The following THOC7 variants were observed in gnomAD, a reference collection of about 807,000 sequenced individuals.
THOC7 encodes THO complex subunit 7, also known as NIF3L1-binding protein 1.
THOC7 carries 22 observed loss-of-function variants against 33.1 expected under a neutral mutation model. That is an observed-to-expected ratio of 0.66 (90% CI 0.47 to 0.95). The LOEUF is 0.95. Among genes scored for constraint, THOC7 ranks in the 40% least tolerant of loss-of-function variants. The pLI is 0.00. For synonymous variants in THOC7, 77 were observed against 76.8 expected (o/e 1.00, Z -0.01); for missense variants, 184 against 245.3 (o/e 0.75, Z 1.67).
upstream of THOC7, chr3:63,864,368 C>G (rs1223367041): frequency 6.6e-6 from 1 of 152,018 alleles, no homozygotes; most frequent in Non-Finnish European, 1.5e-5. Context: ...AGAGGCGGGA[C>G]TAGGGGTACC....
At chr3:63,863,814 C>CGCAAGCTGA (rs1702309474), upstream of THOC7, 5 of 1,234,142 alleles carry the variant, frequency 4.1e-6, no homozygotes, top group Non-Finnish European at 5.0e-6. Flanking sequence ...GCGGCGGCGG[C>CGCAAGCTGA]GGCGGCGGCG....
At chr3:63,852,685 T>A (rs1054878253) in intron 1 of THOC7, among the ~76,000 whole-genome samples, 2 of 152,178 alleles carry the variant, frequency 1.3e-5, no homozygotes, top group African/African-American at 4.8e-5. Context: ...TTGTACATCT[T>A]GCTGGTAGGA....
intron 6 of THOC7, 35 bp downstream of exon 6, chr3:63,835,289 G>A (rs1701606910): frequency 2.5e-6 from 4 of 1,612,658 alleles, no homozygotes; most frequent in Non-Finnish European, 3.4e-6. Context: ...CAGACAGATA[G>A]ACAGATCATG....
At chr3:63,861,113 T>G (rs1702202414) in intron 1 of THOC7, 1 of 152,228 alleles carries the variant, frequency 6.6e-6, no homozygotes, top group African/African-American at 2.4e-5. Context: ...TTACAACTTT[T>G]TGTGTTTAAT....
intron 1 of THOC7, among the ~76,000 whole-genome samples, chr3:63,854,099 C>T (rs1464421101): frequency 1.3e-5 from 2 of 152,138 alleles, no homozygotes; most frequent in Non-Finnish European, 2.9e-5. Context: ...CATGGCGTTT[C>T]TAGCTGAAAT....
chr3:63,843,684 A>C (rs925564637), intron 1 of THOC7, among the ~76,000 whole-genome samples: 1 of 152,094 alleles, frequency 6.6e-6, no homozygotes, highest in Non-Finnish European at 1.5e-5. Flanking sequence ...GCGCATCACG[A>C]GGTCAGGAGA....
intron 1 of THOC7, among the ~76,000 whole-genome samples, chr3:63,845,477 C>T (rs566386316): frequency 1.3e-5 from 2 of 152,120 alleles, no homozygotes; most frequent in Non-Finnish European, 1.5e-5. Context: ...GGGAAATGTG[C>T]GTTACACTCT....
chr3:63,863,895 G>A (rs1162329864), upstream of THOC7: 16 of 1,130,572 alleles, frequency 1.4e-5, no homozygotes, highest in Middle Eastern at 3.7e-4. Flanking sequence ...CAGCCATGGA[G>A]GAGGAGGCGG....
intron 1 of THOC7, chr3:63,848,733 T>G (rs886609701): frequency 1.3e-5 from 2 of 152,228 alleles, no homozygotes; most frequent in African/African-American, 4.8e-5. Context: ...ATGAGACTGA[T>G]TGAACTGATA....
intron 1 of THOC7, among the ~76,000 whole-genome samples, chr3:63,850,606 G>C (rs1312479800): frequency 9.4e-5 from 3 of 32,058 alleles, no homozygotes; most frequent in Non-Finnish European, 1.2e-4. Flanking sequence ...TTTTTTTTTT[G>C]AGACGAGTCT....
intron 1 of THOC7, chr3:63,863,433 C>T: frequency 8.1e-6 from 9 of 1,110,788 alleles, no homozygotes; most frequent in Non-Finnish European, 7.7e-6. Context: ...TCCCACCCGC[C>T]CTTGCACCGC....
intron 1 of THOC7, 42 bp downstream of exon 1, chr3:63,863,730 G>C (rs970418331): frequency 4.8e-6 from 6 of 1,248,674 alleles, no homozygotes; most frequent in Non-Finnish European, 6.0e-6. Context: ...GAGGCCCAGC[G>C]GGCCGTGCAG....
intron 2 of THOC7, among the ~76,000 whole-genome samples, chr3:63,839,193 A>C (rs1418236537): frequency 6.6e-6 from 1 of 151,976 alleles, no homozygotes; most frequent in Non-Finnish European, 1.5e-5. Flanking sequence ...CTGTCTCACA[A>C]AAAAAAAGAT....
intron 1 of THOC7, 118 bp downstream of exon 1, chr3:63,863,654 C>CT (rs1702297472): frequency 8.2e-7 from 1 of 1,218,820 alleles, no homozygotes; most frequent in Non-Finnish European, 1.0e-6. Flanking sequence ...CCGAAGCGCT[C>CT]TGGCGAAGAG....
At chr3:63,842,179 G>T (rs1409587330) in intron 1 of THOC7, among the ~76,000 whole-genome samples, 3 of 152,072 alleles carry the variant, frequency 2.0e-5, no homozygotes, top group African/African-American at 7.2e-5. Flanking sequence ...CTTCTCAAAA[G>T]AAGACATACA....
intron 5 of THOC7, 52 bp downstream of exon 5, chr3:63,836,249 G>A (rs907693799): frequency 7.8e-6 from 12 of 1,543,676 alleles, no homozygotes; most frequent in African/African-American, 1.4e-5. Flanking sequence ...GGTAGTTTTC[G>A]AGCATTTATG....
intron 1 of THOC7, among the ~76,000 whole-genome samples, chr3:63,855,517 C>G (rs1223596555): frequency 6.6e-6 from 1 of 152,176 alleles, no homozygotes; most frequent in Non-Finnish European, 1.5e-5. Context: ...ATTTCTAGGC[C>G]TCTGGTCAGA....
chr3:63,835,375 C>G lies in THOC7; in HGVS notation c.426G>C (p.Leu142=). The G allele has an allele frequency of 6.2e-7, 1 of 1,613,352 alleles. No individual in the cohort carries two copies. Among genetic ancestry groups the G allele is most frequent in the Non-Finnish European group, 8.5e-7 (1 of 1,179,702 alleles). ...GTGAAAGATGCTCTAATTCTTTTCC[C>G]AGAGCCTCTAGTTCCCTGGAAATAA... ...RHETLKELEA[L]GKELEHLSHI... is the part of the protein sequence containing the mutation. Residue 142 remains leucine, a synonymous_variant, in exon 6 of 8, where the codon CTG becomes CTC. Coordinates refer to ENST00000295899, the MANE Select transcript of THOC7 (RefSeq NM_025075.4).
At chr3:63,846,005 A>G (rs80046788) in intron 1 of THOC7, 1 of 181,172 alleles carries the variant, frequency 5.5e-6, no homozygotes, top group African/African-American at 2.4e-5. Flanking sequence ...TCTTATTGGC[A>G]TTCAGAAGCC....
Sources: allele counts gnomAD v4.1 joint callset (sites outside exome capture counted in the v4.1 genomes callset), GRCh38; gene constraint gnomAD v4.1.1; transcripts MANE v1.5; gene names NCBI Gene and HGNC (gene_info 2026-07-23, HGNC 2026-07-21).